The following GAS7 variants were observed in gnomAD, a reference collection of about 807,000 sequenced individuals.
GAS7 encodes the protein growth arrest-specific protein 7.
Under a neutral mutation model 71.1 loss-of-function variants are expected in GAS7, and 28 were observed. The observed-to-expected ratio is 0.39, with a 90% CI of 0.29 to 0.54. GAS7 has a LOEUF of 0.54. GAS7 is among the 20% of genes least tolerant of loss of function. GAS7 has a pLI of 0.62. For missense variants in GAS7, 436 were observed against 627.8 expected (o/e 0.69, Z 3.27); for synonymous variants, 258 against 245.8 (o/e 1.05, Z -0.46).
At chr17:9,942,301 A>G (rs1237447200) in intron 7 of GAS7, among the ~76,000 whole-genome samples, 1 of 152,170 alleles carries the variant, frequency 6.6e-6, no homozygotes, top group African/African-American at 2.4e-5. Flanking sequence ...GCAATTTGCT[A>G]TATTTCCAAC....
intron 1 of GAS7, among the ~76,000 whole-genome samples, chr17:10,155,651 T>C (rs1399279802): frequency 6.6e-6 from 1 of 152,174 alleles, no homozygotes; most frequent in Non-Finnish European, 1.5e-5. Context: ...ACCATTCTTC[T>C]GGTCCTCCCA....
intron 1 of GAS7, among the ~76,000 whole-genome samples, chr17:10,146,960 T>TAAAAAAAAAAAAAAAAAAA (rs1252230604): frequency 4.1e-5 from 6 of 144,850 alleles, no homozygotes; most frequent in East Asian, 2.3e-4. Context: ...CTCCGTCTCA[T>TAAAAAAAAAAAAAAAAAAA]AAAAAAAACG....
chr17:9,949,852 GCCCT>G (rs534864829), intron 5 of GAS7, among the ~76,000 whole-genome samples: 6 of 93,378 alleles, frequency 6.4e-5, no homozygotes, highest in Admixed American at 1.5e-4. Flanking sequence ...CTTCCCTCCT[GCCCT>G]CCCTCCCTCC....
At chr17:10,144,889 G>T (rs1226496798) in intron 1 of GAS7, among the ~76,000 whole-genome samples, 1 of 152,202 alleles carries the variant, frequency 6.6e-6, no homozygotes, top group African/African-American at 2.4e-5. Flanking sequence ...ATGTCTTTGA[G>T]CTAGGTAAGA....
chr17:10,118,933 A>T (rs1041772074), intron 1 of GAS7, among the ~76,000 whole-genome samples: 11 of 152,140 alleles, frequency 7.2e-5, no homozygotes, highest in Non-Finnish European at 1.0e-4. Flanking sequence ...GGATTCTTAC[A>T]TCTGTCCCCA....
intron 3 of GAS7, among the ~76,000 whole-genome samples, chr17:9,980,028 G>T (rs534395342): frequency 6.6e-6 from 1 of 151,910 alleles, no homozygotes; most frequent in Non-Finnish European, 1.5e-5. Context: ...GCTGCCCCAT[G>T]TCCCTCCCAC....
chr17:9,964,462 T>C (rs2069625830), intron 4 of GAS7, among the ~76,000 whole-genome samples: 1 of 152,124 alleles, frequency 6.6e-6, no homozygotes, highest in African/African-American at 2.4e-5. Flanking sequence ...CCACCCTCCC[T>C]ATTCCTGCTG....
In GAS7 at chr17:9,925,618, G is replaced by T; in HGVS notation, c.1015-19C>A. The T allele has an allele frequency of 6.2e-7, 1 of 1,614,006 alleles. No individual in the cohort carries two copies. Reference sequence around the variant, plus strand: ...TCCGGGCCTGGGGTCCAAGGACACGGAGAAGCTGCTCATACAGCTCGGAGC... The same window carrying T: ...TCCGGGCCTGGGGTCCAAGGACACGTAGAAGCTGCTCATACAGCTCGGAGC... On this transcript the variant is annotated intron_variant, in intron 10 of 13. Transcript: ENST00000432992.
intron 1 of GAS7, among the ~76,000 whole-genome samples, chr17:10,154,217 A>G (rs140525227): frequency 8.6e-5 from 13 of 151,676 alleles, no homozygotes; most frequent in African/African-American, 3.1e-4. Flanking sequence ...ACACAGGCCA[A>G]ACTGGGTCTG....
At chr17:10,101,563 G>A (rs187403079) in intron 1 of GAS7, among the ~76,000 whole-genome samples, 129 of 152,260 alleles carry the variant, frequency 8.5e-4, no homozygotes, top group African/African-American at 3.0e-3. Context: ...TAGAACAGGC[G>A]GTACCTACAG....
rs941430233 is a variant in GAS7, at chr17:10,166,876, G to A, written c.183+31332C>T. On this transcript the variant is annotated intron_variant, in intron 1 of 13. Coordinates refer to ENST00000432992, the MANE Select transcript of GAS7 (RefSeq NM_201433.2). ...TGAGCTAGGCCTTGGGACAGCCCCCGCAGGCACATTCGATCAAAGGCTCCA... is the reference window on the plus strand; with the variant it reads ...TGAGCTAGGCCTTGGGACAGCCCCCACAGGCACATTCGATCAAAGGCTCCA... Among the ~76,000 whole-genome samples the A allele has an allele frequency of 5.3e-4, 81 of 152,096 alleles. 1 individual carries two copies. The highest frequency in any genetic ancestry group is 1.7e-3 in the African/African-American group (72 of 41,494).
intron 1 of GAS7, among the ~76,000 whole-genome samples, chr17:10,159,630 C>A (rs2142117085): frequency 6.6e-6 from 1 of 152,272 alleles, no homozygotes; most frequent in Non-Finnish European, 1.5e-5. Flanking sequence ...ATTACACAAT[C>A]TAGAAGTCAA....
chr17:10,198,574 G>C lies in GAS7; in HGVS notation c.-184C>G, dbSNP rs1597850762. The C allele has an allele frequency of 1.3e-5, 5 of 383,408 alleles. No homozygotes were observed. In the East Asian group the frequency reaches 2.0e-4, roughly 16 times the overall value. The allele number at this position is 383,408 out of a possible 1,614,324, so 23.8% of individuals were successfully genotyped here. On this transcript the variant is annotated 5_prime_UTR_variant, in exon 1 of 14. Transcript: ENST00000432992. ...GACGCGCGCTCCGCGCCGGGAAGCA[G>C]AGACTCGTTGGCTTCGCAGAGCGAG...
intron 1 of GAS7, among the ~76,000 whole-genome samples, chr17:10,097,721 G>C (rs138136948): frequency 1.2e-3 from 180 of 152,182 alleles, no homozygotes; most frequent in African/African-American, 4.0e-3. Flanking sequence ...CTCTGCCCTC[G>C]CTCTGGGTCA....
chr17:9,985,650 G>A (rs1238836943), intron 2 of GAS7, among the ~76,000 whole-genome samples: 1 of 152,236 alleles, frequency 6.6e-6, no homozygotes, highest in African/African-American at 2.4e-5. Context: ...GCTCATAGCT[G>A]AGTCCCTCTC....
chr17:10,194,791 G>A (rs565140857), intron 1 of GAS7, among the ~76,000 whole-genome samples: 1 of 146,928 alleles, frequency 6.8e-6, no homozygotes, highest in African/African-American at 2.5e-5. Context: ...GGCTAACACG[G>A]CGAAACCTCA....
rs553982549 is a variant in GAS7, at chr17:9,917,145, G to A, written c.*83C>T. 1.4e-5 allele frequency: 12 copies of A among 866,146 alleles called. No individual in the cohort carries two copies. The East Asian group carries it at 2.9e-4, about 21-fold the overall frequency. 53.7% of individuals were successfully genotyped at this position (866,146 alleles called of 1,614,324 possible). ...CCTCAGTGGCCCAGGAGAGAGGGTGGGGGGCATCCACTCGGCATGGGCCCC... is the reference window on the plus strand; with the variant it reads ...CCTCAGTGGCCCAGGAGAGAGGGTGAGGGGCATCCACTCGGCATGGGCCCC... On this transcript the variant is annotated 3_prime_UTR_variant, in exon 14 of 14. Coordinates refer to ENST00000432992, the MANE Select transcript of GAS7 (RefSeq NM_201433.2).
intron 1 of GAS7, among the ~76,000 whole-genome samples, chr17:10,169,013 C>T (rs180794322): frequency 1.0e-3 from 150 of 145,162 alleles, no homozygotes; most frequent in Admixed American, 2.1e-3. Context: ...TGCAGTGGCT[C>T]ACGCCTGTAA....
At chr17:10,098,666 G>C (rs1249072039) in intron 1 of GAS7, among the ~76,000 whole-genome samples, 1 of 152,168 alleles carries the variant, frequency 6.6e-6, no homozygotes, top group Non-Finnish European at 1.5e-5. Flanking sequence ...TCAGAACACA[G>C]ATAAAACAGG....
Sources: allele counts gnomAD v4.1 joint callset (sites outside exome capture counted in the v4.1 genomes callset), GRCh38; gene constraint gnomAD v4.1.1; transcripts MANE v1.5; gene names NCBI Gene and HGNC (gene_info 2026-07-23, HGNC 2026-07-21).